The following TTC28 variants were observed in gnomAD, a reference collection of about 807,000 sequenced individuals.
TTC28 encodes tetratricopeptide repeat domain 28.
A neutral mutation model predicts 198.0 loss-of-function variants in TTC28; 61 were observed. The observed-to-expected ratio is 0.31, with a 90% CI of 0.25 to 0.38. The LOEUF is 0.38. TTC28 is among the 10% of genes least tolerant of loss of function. TTC28 has a pLI of 1.00. For missense variants in TTC28, 2,678 were observed against 3,164.0 expected (o/e 0.85, Z 3.69); for synonymous variants, 1,171 against 1,297.8 (o/e 0.90, Z 2.10).
intron 12 of TTC28, among the ~76,000 whole-genome samples, chr22:28,066,208 A>G (rs1940739126): frequency 6.6e-6 from 1 of 152,104 alleles, no homozygotes; most frequent in Non-Finnish European, 1.5e-5. Flanking sequence ...ATATATGTAT[A>G]TACTGTAAAA....
At chr22:28,312,945 CA>C (rs1226870435) in intron 2 of TTC28, among the ~76,000 whole-genome samples, 24 of 151,918 alleles carry the variant, frequency 1.6e-4, no homozygotes, top group African/African-American at 5.3e-4. Flanking sequence ...AAAAGATCAA[CA>C]AAATAGATAG....
intron 5 of TTC28, among the ~76,000 whole-genome samples, chr22:28,247,738 C>T (rs894043828): frequency 6.6e-6 from 1 of 152,060 alleles, no homozygotes; most frequent in Non-Finnish European, 1.5e-5. Context: ...GCCTTGTCAA[C>T]AAAACAAACA....
At chr22:28,260,805 G>C (rs1931263719) in intron 5 of TTC28, among the ~76,000 whole-genome samples, 1 of 152,214 alleles carries the variant, frequency 6.6e-6, no homozygotes, top group South Asian at 2.1e-4. Flanking sequence ...AGACTAATGG[G>C]TCACTGTCAG....
chr22:28,529,365 G>A (rs954173935), intron 2 of TTC28, among the ~76,000 whole-genome samples: 2 of 152,188 alleles, frequency 1.3e-5, no homozygotes, highest in East Asian at 1.9e-4. Flanking sequence ...GGGGACGGGC[G>A]CCCACCATTG....
intron 5 of TTC28, among the ~76,000 whole-genome samples, chr22:28,178,894 T>C (rs1458310339): frequency 6.6e-6 from 1 of 152,184 alleles, no homozygotes; most frequent in African/African-American, 2.4e-5. Context: ...TCCACATATG[T>C]GAGACTCTAG....
At chr22:28,488,692 A>T (rs1383634072) in intron 2 of TTC28, among the ~76,000 whole-genome samples, 1 of 152,154 alleles carries the variant, frequency 6.6e-6, no homozygotes, top group Non-Finnish European at 1.5e-5. Context: ...ATGGGCTTGT[A>T]GGTAAGGGAA....
intron 5 of TTC28, among the ~76,000 whole-genome samples, chr22:28,272,479 T>A (rs559853987): frequency 6.6e-6 from 1 of 152,264 alleles, no homozygotes; most frequent in South Asian, 2.1e-4. Context: ...GTCTCAGCTA[T>A]AAAATGAGGG....
chr22:27,984,495 G>C (rs1317202475), intron 22 of TTC28, among the ~76,000 whole-genome samples: 2 of 151,822 alleles, frequency 1.3e-5, no homozygotes, highest in Non-Finnish European at 2.9e-5. Flanking sequence ...ACCCTGGAAT[G>C]CCCACAGGAC....
chr22:28,486,779 C>A (rs887306487), intron 2 of TTC28, among the ~76,000 whole-genome samples: 4 of 152,132 alleles, frequency 2.6e-5, no homozygotes, highest in African/African-American at 9.7e-5. Flanking sequence ...TCTTGCAACT[C>A]CATTTTCACG....
At chr22:28,260,729 C>A (rs1284446060) in intron 5 of TTC28, among the ~76,000 whole-genome samples, 2 of 152,114 alleles carry the variant, frequency 1.3e-5, no homozygotes, top group Non-Finnish European at 2.9e-5. Flanking sequence ...TGATTTGGCA[C>A]CCAGTAAATC....
intron 5 of TTC28, among the ~76,000 whole-genome samples, chr22:28,248,056 G>GT (rs1439588361): frequency 1.3e-5 from 2 of 152,216 alleles, no homozygotes; most frequent in Non-Finnish European, 2.9e-5. Flanking sequence ...CAGTCACACT[G>GT]TTTGCTGCTT....
chr22:28,659,799 T>C (rs1466329370), intron 1 of TTC28, among the ~76,000 whole-genome samples: 4 of 147,802 alleles, frequency 2.7e-5, no homozygotes, highest in Non-Finnish European at 1.5e-5. Flanking sequence ...AAATCTGAAA[T>C]GCATTTTTTT....
At chr22:28,313,216 A>G (rs987155434) in intron 2 of TTC28, among the ~76,000 whole-genome samples, 2 of 152,250 alleles carry the variant, frequency 1.3e-5, no homozygotes, top group African/African-American at 4.8e-5. Flanking sequence ...TGAGGCAATA[A>G]CTAATAGCCT....
At chr22:28,185,580 G>A (rs968044366) in intron 5 of TTC28, among the ~76,000 whole-genome samples, 1 of 152,042 alleles carries the variant, frequency 6.6e-6, no homozygotes, top group Non-Finnish European at 1.5e-5. Flanking sequence ...AATCAAAGTT[G>A]CTGTCAATTA....
intron 2 of TTC28, among the ~76,000 whole-genome samples, chr22:28,583,941 T>C (rs2050268779): frequency 6.6e-6 from 1 of 152,024 alleles, no homozygotes; most frequent in South Asian, 2.1e-4. Flanking sequence ...CTTATAAATA[T>C]ATTCTAATTA....
At chr22:28,595,264 T>C (rs1390404588) in intron 2 of TTC28, among the ~76,000 whole-genome samples, 2 of 152,190 alleles carry the variant, frequency 1.3e-5, no homozygotes, top group Non-Finnish European at 1.5e-5. Flanking sequence ...CACCATCTTT[T>C]TGTAGAAAAG....
At chr22:28,479,858 A>G (rs2048220425) in intron 2 of TTC28, among the ~76,000 whole-genome samples, 1 of 152,026 alleles carries the variant, frequency 6.6e-6, no homozygotes, top group African/African-American at 2.4e-5. Context: ...ACTTATTCCA[A>G]TCCTTGTCAT....
rs1213414620 is a variant in TTC28, at chr22:28,645,950, C to T, written c.103-16120G>A. On this transcript the variant is annotated intron_variant, in intron 1 of 22. Transcript: ENST00000397906. Reference sequence around the variant, plus strand: ...AAATAATAAAAGCATGTATGATAAACTTACAGTCAACAACATACTGAACGG... The same window carrying T: ...AAATAATAAAAGCATGTATGATAAATTTACAGTCAACAACATACTGAACGG... Among the ~76,000 whole-genome samples the T allele has an allele frequency of 3.3e-5, 5 of 152,048 alleles. No individual in the cohort carries two copies. In the East Asian group the frequency reaches 9.6e-4, roughly 29 times the overall value.
chr22:28,589,824 G>C (rs540456278), intron 2 of TTC28, among the ~76,000 whole-genome samples: 138 of 151,908 alleles, frequency 9.1e-4, no homozygotes, highest in Non-Finnish European at 1.2e-4. Context: ...TAGATCACGA[G>C]GTCAGGAGTT....
Sources: gnomAD v4.1 joint callset for allele counts (sites outside exome capture counted in the v4.1 genomes callset) on GRCh38, gnomAD v4.1.1 for gene constraint, MANE v1.5 for transcripts, NCBI Gene and HGNC (gene_info 2026-07-23, HGNC 2026-07-21) for gene names.